NCOR2: variants seen among roughly 807,000 people sequenced by gnomAD.
The protein encoded by NCOR2 is CTG repeat protein 26.
Under a neutral mutation model 262.9 loss-of-function variants are expected in NCOR2, and 81 were observed. That is an observed-to-expected ratio of 0.31 (90% CI 0.26 to 0.37). The LOEUF is 0.37. NCOR2 is among the 10% of genes least tolerant of loss of function. NCOR2 has a pLI of 1.00. For missense variants in NCOR2, 3,385 were observed against 3,621.4 expected (o/e 0.93, Z 1.68); for synonymous variants, 1,659 against 1,559.3 (o/e 1.06, Z -1.51).
intron 7 of NCOR2, among the ~76,000 whole-genome samples, chr12:124,442,792 T>C (rs914726789): frequency 2.6e-5 from 4 of 152,172 alleles, no homozygotes; most frequent in African/African-American, 7.2e-5. Flanking sequence ...ACAGAGTCTT[T>C]AGAGCGAGAA....
upstream of NCOR2, among the ~76,000 whole-genome samples, chr12:124,496,603 G>A (rs571669508): frequency 3.3e-5 from 5 of 152,212 alleles, no homozygotes; most frequent in South Asian, 6.2e-4. The surrounding 1 kb of genome is among the most constrained non-coding windows in gnomAD (Gnocchi z 4.4). Context: ...GAGGGTAACC[G>A]TCCTTCTCCA....
exon 34 of NCOR2, chr12:124,341,854 C>A (rs753424465): frequency 6.2e-7 from 1 of 1,608,918 alleles, no homozygotes; most frequent in South Asian, 1.1e-5. Flanking sequence ...TGAGTGCCAG[C>A]GAGGACTCGC....
intron 1 of NCOR2, among the ~76,000 whole-genome samples, chr12:124,506,138 C>CA (rs919745814): frequency 2.0e-5 from 3 of 152,276 alleles, no homozygotes; most frequent in African/African-American, 7.2e-5. Flanking sequence ...ACATTTATCT[C>CA]ATGCTAACAC....
chr12:124,342,124 T>C (rs538482092), intron 33 of NCOR2, 50 bp from the exon 36 acceptor site: 4 of 1,559,698 alleles, frequency 2.6e-6, no homozygotes, highest in South Asian at 1.2e-5. Context: ...CTAGGCCTGA[T>C]GGTGTCGCTC....
In NCOR2 at chr12:124,355,587, C is replaced by T; in HGVS notation, c.3242-16G>A. ...AGTGGGTGACCTGTGGAGCACATGT[C>T]TGTCCATTGTGGGGCCCAGGAGCGG... On this transcript the variant is annotated splice_polypyrimidine_tract_variant and intron_variant, in intron 23 of 46. Transcript: ENST00000405201. The T allele has an allele frequency of 6.5e-7, 1 of 1,546,360 alleles. No individual in the cohort carries two copies. The highest frequency in any genetic ancestry group is 1.4e-5 in the African/African-American group (1 of 73,046).
At chr12:124,552,077 T>C (rs1005586601) in intron 1 of NCOR2, among the ~76,000 whole-genome samples, 2 of 151,934 alleles carry the variant, frequency 1.3e-5, no homozygotes, top group Non-Finnish European at 2.9e-5. Flanking sequence ...CACAGCACTC[T>C]GGGAGGCCAA....
At chr12:124,388,830 C>T (rs1389478046) in intron 16 of NCOR2, 18 of 1,281,776 alleles carry the variant, frequency 1.4e-5, no homozygotes, top group Non-Finnish European at 1.7e-5. Flanking sequence ...CTGCTGGCGG[C>T]TCAGCTCAGC....
At chr12:124,399,789 G>A (rs972872463) in intron 15 of NCOR2, among the ~76,000 whole-genome samples, 6 of 152,178 alleles carry the variant, frequency 3.9e-5, no homozygotes, top group African/African-American at 1.4e-4. Context: ...GACCCTAACA[G>A]CTAAACAAAG....
chr12:124,519,204 A>C (rs1285049882), intron 1 of NCOR2, among the ~76,000 whole-genome samples: 2 of 151,772 alleles, frequency 1.3e-5, no homozygotes, highest in Admixed American at 1.3e-4. Flanking sequence ...TGACTCAGAG[A>C]CAAGTCTGAG....
At chr12:124,534,407 G>A (rs549978988) in intron 1 of NCOR2, among the ~76,000 whole-genome samples, 1 of 150,060 alleles carries the variant, frequency 6.7e-6, no homozygotes, top group South Asian at 2.1e-4. Context: ...AGTGAGCCAA[G>A]ATCACACCAC....
At chr12:124,419,036 G>T (rs1216415767) in intron 13 of NCOR2, among the ~76,000 whole-genome samples, 4 of 151,850 alleles carry the variant, frequency 2.6e-5, no homozygotes, top group African/African-American at 9.7e-5. Context: ...GCCTCCACCC[G>T]CCTCCTCTGT....
intron 13 of NCOR2, among the ~76,000 whole-genome samples, chr12:124,404,291 T>G (rs1400397413): frequency 6.6e-6 from 1 of 152,180 alleles, no homozygotes; most frequent in Admixed American, 6.5e-5. Context: ...CCGGGTCAGA[T>G]GTCCCTGGCA....
intron 17 of NCOR2, among the ~76,000 whole-genome samples, chr12:124,379,488 A>T (rs190402670): frequency 8.5e-5 from 13 of 152,348 alleles, no homozygotes; most frequent in African/African-American, 3.1e-4. Flanking sequence ...GAGCAGGGGC[A>T]TCGTGGAGGC....
intron 15 of NCOR2, 47 bp downstream of exon 17, chr12:124,400,454 C>T (rs746577398): frequency 1.4e-5 from 23 of 1,591,136 alleles, no homozygotes; most frequent in Middle Eastern, 4.1e-4. Context: ...CGCAACCCGC[C>T]GTGTCTCCAG....
At chr12:124,327,757 A>C in intron 44 of NCOR2, 124 bp from the exon 47 acceptor site, 1 of 668,506 alleles carries the variant, frequency 1.5e-6, no homozygotes, top group Non-Finnish European at 2.5e-6. Flanking sequence ...AGGAGAGAGA[A>C]ATACACAGTG....
intron 3 of NCOR2, among the ~76,000 whole-genome samples, chr12:124,479,762 A>G (rs2047338967): frequency 1.3e-5 from 2 of 152,242 alleles, no homozygotes; most frequent in South Asian, 4.1e-4. Context: ...AGGCAGAGGG[A>G]GGAGGGCACC....
intron 7 of NCOR2, among the ~76,000 whole-genome samples, chr12:124,445,187 C>T (rs1593574530): frequency 6.6e-6 from 1 of 152,220 alleles, no homozygotes; most frequent in African/African-American, 2.4e-5. Context: ...TGTGCCTGAG[C>T]GCCATCTGCC....
At chr12:124,353,943 A>G (rs1566384497) in intron 27 of NCOR2, 150 bp downstream of exon 29, 1 of 724,996 alleles carries the variant, frequency 1.4e-6, no homozygotes, top group African/African-American at 1.7e-5. Context: ...TTCCATGCAG[A>G]CTAGATGAAA....
At position 124,337,169 on chromosome 12, in the gene NCOR2, G is replaced by A; in HGVS notation, c.5699C>T (p.Thr1900Ile). The A allele has an allele frequency of 2.6e-6, 4 of 1,538,736 alleles. No individual in the cohort carries two copies. Among genetic ancestry groups the A allele is most frequent in the Non-Finnish European group, 3.5e-6 (4 of 1,139,512 alleles). Residue 1900 changes from threonine (T) to isoleucine (I), a missense_variant, in exon 38 of 47, where the codon ACC (threonine) becomes ATC (isoleucine). Around this residue, in one of 5 missense-constraint regions of NCOR2, gnomAD observed 1,017 missense variants for 967.2 expected, o/e 1.05. Coordinates refer to ENST00000405201, the Ensembl canonical transcript of NCOR2. ...GGCAGCCGGGCGAACGGGTGAGGAG[G>A]TGGAGGTGGACCTGGGGGAGGAGAG...
Sources: gnomAD v4.1 joint callset for allele counts (sites outside exome capture counted in the v4.1 genomes callset) on GRCh38, gnomAD v4.1.1 for gene constraint, gnomAD v4.1.1 regional missense constraint, Gnocchi (gnomAD v3.1) non-coding constraint, MANE v1.5 for transcripts, NCBI Gene and HGNC (gene_info 2026-07-23, HGNC 2026-07-21) for gene names.